MAST4: variants seen among roughly 807,000 people sequenced by gnomAD.
The protein encoded by MAST4 is microtubule-associated serine/threonine-protein kinase 4.
A neutral mutation model predicts 162.7 loss-of-function variants in MAST4; 89 were observed. The ratio of observed to expected loss-of-function variants is 0.55; its 90% CI spans 0.46 to 0.65. The LOEUF (loss-of-function observed/expected upper bound fraction) is 0.65, where lower values mean the gene tolerates loss of function less well. Ranked by LOEUF, MAST4 falls within the 30% of genes least tolerant of loss-of-function variation. The pLI is 0.00. For synonymous variants in MAST4, 1,479 were observed against 1,361.1 expected (o/e 1.09, Z -1.91); for missense variants, 3,153 against 3,374.0 (o/e 0.93, Z 1.62).
intron 4 of MAST4, among the ~76,000 whole-genome samples, chr5:66,960,849 G>A (rs936672257): frequency 6.6e-6 from 1 of 152,038 alleles, no homozygotes; most frequent in East Asian, 1.9e-4. Flanking sequence ...TGATTAGAAG[G>A]ACTGAATTAT....
rs527955738 is a variant in MAST4 at position 67,120,565 on chromosome 5, G to A, written c.1660-452G>A. 5.9e-5 allele frequency among the ~76,000 whole-genome samples: 9 copies of A among 152,276 alleles called. No individual in the cohort carries two copies. The South Asian group carries it at 1.9e-3, about 32-fold the overall frequency. ...CATTCTGTACTTGGGTGTTGCATGT[G>A]TTGCCTACTGCTTTTCTGAGCAATG... On this transcript the variant is annotated intron_variant, in intron 13 of 28. Transcript: ENST00000403625.
chr5:66,686,737 C>T (rs1421075280), intron 1 of MAST4, among the ~76,000 whole-genome samples: 1 of 152,160 alleles, frequency 6.6e-6, no homozygotes, highest in Non-Finnish European at 1.5e-5. Flanking sequence ...TTGTATGTTT[C>T]AGTCTCTCCC....
intron 5 of MAST4, among the ~76,000 whole-genome samples, chr5:67,088,186 A>T (rs1763462428): frequency 6.6e-6 from 1 of 152,162 alleles, no homozygotes; most frequent in African/African-American, 2.4e-5. Context: ...TATATTAATA[A>T]GCTCTCTGTA....
chr5:66,699,120 G>A (rs778721957), intron 1 of MAST4, among the ~76,000 whole-genome samples: 1 of 152,004 alleles, frequency 6.6e-6, no homozygotes, highest in African/African-American at 2.4e-5. Context: ...ACCCTGACAC[G>A]CCCTCCGGCA....
intron 1 of MAST4, among the ~76,000 whole-genome samples, chr5:66,673,528 T>G (rs964507871): frequency 1.7e-5 from 2 of 120,666 alleles, no homozygotes; most frequent in South Asian, 4.7e-4. Flanking sequence ...TTTTTGTTTT[T>G]TGTTTTTTTT....
At chr5:66,869,090 G>C (rs1027375379) in intron 3 of MAST4, among the ~76,000 whole-genome samples, 1 of 152,084 alleles carries the variant, frequency 6.6e-6, no homozygotes, top group Non-Finnish European at 1.5e-5. Flanking sequence ...CTGTGCTTTA[G>C]AACTCTTAAA....
intron 21 of MAST4, among the ~76,000 whole-genome samples, chr5:67,143,695 G>T (rs999538329): frequency 6.6e-6 from 1 of 152,192 alleles, no homozygotes; most frequent in Non-Finnish European, 1.5e-5. Context: ...TCGAGGTAAG[G>T]ATTTCCCTGG....
chr5:67,113,801 C>T (rs1766552381), intron 11 of MAST4, among the ~76,000 whole-genome samples: 1 of 152,100 alleles, frequency 6.6e-6, no homozygotes, highest in African/African-American at 2.4e-5. Context: ...TGCCGACGAG[C>T]GAGATCTTAA....
intron 1 of MAST4, among the ~76,000 whole-genome samples, chr5:66,624,039 G>A (rs192473158): frequency 9.9e-5 from 15 of 151,702 alleles, no homozygotes; most frequent in Middle Eastern, 3.4e-3. Flanking sequence ...TAGGAATTAA[G>A]GAGGTGAGAG....
chr5:66,876,009 C>T (rs1042569123), intron 3 of MAST4, among the ~76,000 whole-genome samples: 20 of 152,162 alleles, frequency 1.3e-4, no homozygotes, highest in African/African-American at 4.6e-4. Flanking sequence ...TCAAGCAATC[C>T]TCCTGCCTTG....
intron 10 of MAST4, among the ~76,000 whole-genome samples, chr5:67,104,922 C>T (rs1765431901): frequency 6.6e-6 from 1 of 152,178 alleles, no homozygotes; most frequent in Admixed American, 6.5e-5. Context: ...TTTGATGATG[C>T]TATCTAGTTC....
chr5:67,006,593 C>A (rs575433029), intron 4 of MAST4, among the ~76,000 whole-genome samples: 1 of 152,312 alleles, frequency 6.6e-6, no homozygotes, highest in Non-Finnish European at 1.5e-5. Context: ...TACCTGGAAC[C>A]AGTTCTTAGG....
intron 5 of MAST4, among the ~76,000 whole-genome samples, chr5:67,076,288 A>G (rs1761631986): frequency 6.6e-6 from 1 of 152,078 alleles, no homozygotes; most frequent in South Asian, 2.1e-4. Context: ...GTCACACTTA[A>G]TTGTGGCATA....
rs552073839 is a variant in MAST4, at chr5:66,735,903, A to G, written c.364-23806A>G. Among the ~76,000 whole-genome samples the G allele has an allele frequency of 4.6e-5, 7 of 152,336 alleles. No homozygotes were observed. In the South Asian group the frequency reaches 8.3e-4, roughly 18 times the overall value. On this transcript the variant is annotated intron_variant, in intron 1 of 28. Coordinates refer to ENST00000403625, the MANE Select transcript of MAST4 (RefSeq NM_001164664.2). ...TGACAACACACTGCCTTTCTTTTTA[A>G]GCAGAAGGAATCTATGAAGACCTTT...
At chr5:67,040,041 T>G (rs1298904831) in intron 4 of MAST4, among the ~76,000 whole-genome samples, 1 of 151,972 alleles carries the variant, frequency 6.6e-6, no homozygotes, top group African/African-American at 2.4e-5. Context: ...TATCTTATTC[T>G]GATTTGCTGG....
At chr5:66,788,601 C>CCCCCCCCA in intron 2 of MAST4, 69 bp from the exon 3 acceptor site, 1 of 1,179,562 alleles carries the variant, frequency 8.5e-7, no homozygotes, top group Non-Finnish European at 1.2e-6. Flanking sequence ...ACCCCACCCC[C>CCCCCCCCA]ACCCCCATTG....
chr5:66,732,990 T>C (rs143716441), intron 1 of MAST4, among the ~76,000 whole-genome samples: 1 of 152,198 alleles, frequency 6.6e-6, no homozygotes, highest in South Asian at 2.1e-4. Context: ...TCCTCCTTTT[T>C]CTCAGCATCA....
At chr5:67,111,163 A>G (rs1456509066) in intron 11 of MAST4, among the ~76,000 whole-genome samples, 1 of 152,224 alleles carries the variant, frequency 6.6e-6, no homozygotes, top group Non-Finnish European at 1.5e-5. Context: ...TGAACATTAT[A>G]ATTATTTTAA....
chr5:67,148,344 C>T (rs182411159), intron 23 of MAST4, among the ~76,000 whole-genome samples: 430 of 152,156 alleles, frequency 2.8e-3, no homozygotes, highest in Non-Finnish European at 4.2e-3. Flanking sequence ...AAGAAAAACA[C>T]GATAGAAAAC....
Sources: gnomAD v4.1 joint callset for allele counts (sites outside exome capture counted in the v4.1 genomes callset) on GRCh38, gnomAD v4.1.1 for gene constraint, MANE v1.5 for transcripts, NCBI Gene and HGNC (gene_info 2026-07-23, HGNC 2026-07-21) for gene names.